The following ARNT variants were observed in gnomAD, a reference collection of about 807,000 sequenced individuals.
The protein encoded by ARNT is class E basic helix-loop-helix protein 2.
Under a neutral mutation model 105.0 loss-of-function variants are expected in ARNT, and 30 were observed. That is an observed-to-expected ratio of 0.29 (90% confidence interval 0.21 to 0.39). The LOEUF (loss-of-function observed/expected upper bound fraction) is 0.39. Ranked by LOEUF, ARNT falls within the 10% of genes least tolerant of loss-of-function variation. The pLI is 1.00. For synonymous variants in ARNT, 304 were observed against 344.0 expected (o/e 0.88, Z 1.29); for missense variants, 748 against 978.7 (o/e 0.76, Z 3.15).
In ARNT at chr1:150,811,473, C is replaced by CACACACACACAT. The variant is rs1553199531; in HGVS notation, c.*547_*548insATGTGTGTGTGT. Reference sequence around the variant, plus strand: ...GCATGTGTGCGCACACACACACACACACACATACACACACACTCTCTCTCA... The same window carrying CACACACACACAT: ...GCATGTGTGCGCACACACACACACACACACACACACATACACATACACACACACTCTCTCTCA... On this transcript the variant is annotated 3_prime_UTR_variant, in exon 22 of 22. Coordinates refer to ENST00000358595, the MANE Select transcript of ARNT (RefSeq NM_001668.4). 3.2e-4 allele frequency: 75 copies of CACACACACACAT among 233,026 alleles called. No homozygotes were observed. Among genetic ancestry groups the CACACACACACAT allele is most frequent in the African/African-American group, 1.6e-3 (72 of 45,006 alleles). 14.4% of individuals were successfully genotyped at this position (233,026 alleles called of 1,614,324 possible).
chr1:150,851,947 C>CT (rs1333193594), intron 3 of ARNT, among the ~76,000 whole-genome samples: 1 of 151,864 alleles, frequency 6.6e-6, no homozygotes, highest in Non-Finnish European at 1.5e-5. Context: ...ACTTGGGAGG[C>CT]TGAGGCAGGA....
chr1:150,825,765 C>T (rs961818549), intron 13 of ARNT, among the ~76,000 whole-genome samples: 6 of 151,642 alleles, frequency 4.0e-5, no homozygotes, highest in African/African-American at 1.5e-4. Flanking sequence ...AGGAGAATCG[C>T]TTGAACCTAA....
intron 21 of ARNT, 98 bp downstream of exon 21, chr1:150,813,074 A>C: frequency 7.2e-7 from 1 of 1,380,802 alleles, no homozygotes. Context: ...CCCCCAACCA[A>C]ACACCTCAAT....
chr1:150,810,007 T>C lies in ARNT; in HGVS notation c.*2014A>G. On this transcript the variant is annotated 3_prime_UTR_variant, in exon 22 of 22. Transcript: ENST00000358595. ...ATGTTTGTATGTCTGGAGCTTAAACTATAGATTCCTCTGGTTGTGGGTGCC... is the reference window on the plus strand; with the variant it reads ...ATGTTTGTATGTCTGGAGCTTAAACCATAGATTCCTCTGGTTGTGGGTGCC... 4.4e-6 allele frequency: 1 copy of C among 228,452 alleles called. No individual in the cohort carries two copies. Among genetic ancestry groups the C allele is most frequent in the Non-Finnish European group, 8.7e-6 (1 of 114,688 alleles). The allele number at this position is 228,452 out of a possible 1,614,324, so 14.2% of individuals were successfully genotyped here. A position where few individuals can be genotyped will look rare whatever the true frequency, so the allele number is the denominator to read the frequency against.
chr1:150,853,265 C>A, intron 2 of ARNT: 1 of 381,170 alleles, frequency 2.6e-6, no homozygotes, highest in South Asian at 1.9e-5. Flanking sequence ...TGGGCGACAA[C>A]TGCAAGACTC....
At chr1:150,817,491 G>C (rs781389934) in intron 15 of ARNT, 58 bp from the exon 16 acceptor site, 27 of 1,517,750 alleles carry the variant, frequency 1.8e-5, no homozygotes, top group Non-Finnish European at 2.4e-5. Flanking sequence ...TTTTAAAAAA[G>C]AATCTGGAGA....
intron 4 of ARNT, among the ~76,000 whole-genome samples, chr1:150,843,188 A>G (rs950947689): frequency 2.0e-5 from 3 of 152,216 alleles, no homozygotes; most frequent in African/African-American, 7.2e-5. Context: ...GTATAGCCAC[A>G]CAGGAATGGA....
intron 1 of ARNT, among the ~76,000 whole-genome samples, chr1:150,867,322 C>T (rs1313049056): frequency 6.6e-6 from 1 of 151,436 alleles, no homozygotes; most frequent in East Asian, 1.9e-4. Context: ...TTGAGCTCAG[C>T]AGTTCAAGAC....
At chr1:150,827,047 G>C (rs1451359275) in intron 12 of ARNT, among the ~76,000 whole-genome samples, 2 of 150,708 alleles carry the variant, frequency 1.3e-5, no homozygotes, top group African/African-American at 2.4e-5. Flanking sequence ...GTTAAGTGAG[G>C]AGGAGAAAAA....
chr1:150,875,972 C>T (rs1479170402), intron 1 of ARNT, among the ~76,000 whole-genome samples: 1 of 152,022 alleles, frequency 6.6e-6, no homozygotes, highest in Non-Finnish European at 1.5e-5. Flanking sequence ...AAGTATAGTC[C>T]GGGGACGGAG....
At chr1:150,830,097 G>A (rs1659091777) in intron 10 of ARNT, 117 bp from the exon 11 acceptor site, 9 of 1,153,694 alleles carry the variant, frequency 7.8e-6, no homozygotes, top group South Asian at 1.4e-5. Context: ...CGTGGCTGAC[G>A]CCTGTAATCC....
intron 11 of ARNT, chr1:150,829,600 T>C (rs765737447): frequency 1.4e-5 from 8 of 567,472 alleles, no homozygotes; most frequent in Non-Finnish European, 2.2e-5. Context: ...CAGGTAATGA[T>C]ACAATGAAAA....
chr1:150,873,656 C>T (rs1451847181), intron 1 of ARNT, among the ~76,000 whole-genome samples: 2 of 152,136 alleles, frequency 1.3e-5, no homozygotes, highest in Non-Finnish European at 2.9e-5. Flanking sequence ...CAGTGGCTCA[C>T]ACCTATAATC....
rs759294503 is a variant in ARNT at position 150,836,268 on chromosome 1, C to T, written c.700+12G>A. The T allele has an allele frequency of 1.2e-6, 2 of 1,612,916 alleles. No homozygotes were observed. Among genetic ancestry groups the T allele is most frequent in the South Asian group, 1.1e-5 (1 of 91,034 alleles). ...GGACTTCTCATTCATTTCCCATACA[C>T]ATAACTCTCACCTGTCAGGGCATTT... On this transcript the variant is annotated intron_variant, in intron 7 of 21. Transcript: ENST00000358595.
chr1:150,847,132 C>T (rs922721447), intron 3 of ARNT, among the ~76,000 whole-genome samples: 11 of 151,804 alleles, frequency 7.2e-5, no homozygotes, highest in African/African-American at 2.7e-4. Flanking sequence ...ATATATATAC[C>T]CAGAAAAAGA....
intron 9 of ARNT, 69 bp from the exon 10 acceptor site, chr1:150,831,972 C>T: frequency 9.8e-7 from 1 of 1,019,756 alleles, no homozygotes; most frequent in Non-Finnish European, 1.5e-6. Context: ...GGCAATGCTG[C>T]CTTAGTACTT....
At chr1:150,852,975 C>T (rs1663909576) in intron 2 of ARNT, 169 bp from the exon 3 acceptor site, 1 of 841,986 alleles carries the variant, frequency 1.2e-6, no homozygotes, top group South Asian at 1.7e-5. Context: ...TAGTCCCAAA[C>T]TAGGCAAAGA....
At chr1:150,854,216 G>C (rs1664135994) in intron 2 of ARNT, among the ~76,000 whole-genome samples, 1 of 152,078 alleles carries the variant, frequency 6.6e-6, no homozygotes, top group Non-Finnish European at 1.5e-5. Flanking sequence ...CTCCCAATTA[G>C]CTGGAACTAT....
At chr1:150,824,292 T>C (rs1469286392) in intron 13 of ARNT, among the ~76,000 whole-genome samples, 2 of 151,900 alleles carry the variant, frequency 1.3e-5, no homozygotes, top group East Asian at 3.9e-4. Flanking sequence ...AGGAAAAGAC[T>C]GTTTCCCTAC....
Sources: allele counts gnomAD v4.1 joint callset (sites outside exome capture counted in the v4.1 genomes callset), GRCh38; gene constraint gnomAD v4.1.1; transcripts MANE v1.5; gene names NCBI Gene and HGNC (gene_info 2026-07-23, HGNC 2026-07-21).